Variants in GUCY2F observed in about 807,000 individuals in gnomAD.
GUCY2F encodes the protein retinal guanylyl cyclase 2.
Under a neutral mutation model 73.1 loss-of-function variants are expected in GUCY2F, and 61 were observed. That is an observed-to-expected ratio of 0.83 (90% CI 0.68 to 1.03). The LOEUF is 1.03. Among genes scored for constraint, GUCY2F ranks in the 50% least tolerant of loss-of-function variants. GUCY2F has a pLI of 0.00. For synonymous variants in GUCY2F, 331 were observed against 307.8 expected (o/e 1.08, Z -0.79); for missense variants, 912 against 854.3 (o/e 1.07, Z -0.84).
intron 12 of GUCY2F, among the ~76,000 whole-genome samples, chrX:109,393,623 A>G (rs1038967594): frequency 4.5e-5 from 5 of 111,704 alleles, no homozygotes; most frequent in Non-Finnish European, 9.4e-5. Context: ...GGTGTCCTCT[A>G]GCACCTGTCC....
At chrX:109,453,432 G>T in intron 4 of GUCY2F, 73 bp downstream of exon 4, 1 of 565,702 alleles carries the variant, frequency 1.8e-6, no homozygotes, top group Non-Finnish European at 2.9e-6. Context: ...ATTAAAATGT[G>T]CCTTCTCCTA....
intron 5 of GUCY2F, among the ~76,000 whole-genome samples, chrX:109,449,041 G>A (rs1475033515): frequency 9.0e-6 from 1 of 111,319 alleles, no homozygotes; most frequent in Non-Finnish European, 1.9e-5. Context: ...TTGATTAGTC[G>A]GTATGCTCGT....
At chrX:109,475,174 C>CA (rs1358845816) in intron 2 of GUCY2F, 33 bp downstream of exon 2, 1 of 1,172,313 alleles carries the variant, frequency 8.5e-7, no homozygotes, top group Non-Finnish European at 1.1e-6. Context: ...TCCCTGAAGT[C>CA]ACGTTTAAAT....
chrX:109,391,574 A>G (rs1930563006), intron 14 of GUCY2F, among the ~76,000 whole-genome samples: 1 of 111,890 alleles, frequency 8.9e-6, no homozygotes, highest in African/African-American at 3.2e-5. Flanking sequence ...TGCCTAGTAC[A>G]GTACTGCCTA....
At chrX:109,409,910 T>C (rs1931066846) in intron 8 of GUCY2F, among the ~76,000 whole-genome samples, 1 of 111,317 alleles carries the variant, frequency 9.0e-6, no homozygotes, top group Admixed American at 9.6e-5. Context: ...ATGTCTTTAT[T>C]AGCAGCATGA....
intron 14 of GUCY2F, among the ~76,000 whole-genome samples, chrX:109,390,474 T>G (rs906289189): frequency 4.5e-5 from 5 of 112,055 alleles, no homozygotes; most frequent in African/African-American, 1.3e-4. Flanking sequence ...TGTGCTGTTT[T>G]TAATAAATAG....
At position 109,388,654 on chromosome X, in the gene GUCY2F, T is replaced by C; in HGVS notation, c.2791A>G (p.Ile931Val). 4 of 1,177,926 alleles carry C rather than the reference T, an allele frequency of 3.4e-6. No homozygotes were observed. Among genetic ancestry groups the C allele is most frequent in the Non-Finnish European group, 4.6e-6 (4 of 866,328 alleles). Reference sequence around the variant, plus strand: ...GAAGCCACCATGTAGGCATCTCCAATGGTCTCTACCTGGGAATTAGGAAAA... The same window carrying C: ...GAAGCCACCATGTAGGCATCTCCAACGGTCTCTACCTGGGAATTAGGAAAA... ...GSHDVYKVET[I>V]GDAYMVASGL... The change falls in exon 15 of 20, where the codon ATT becomes GTT. Residue 931 changes from isoleucine (I) to valine (V), a missense_variant. Ile to Val is a conservative substitution (Grantham distance 29). Coordinates refer to ENST00000218006, the MANE Select transcript of GUCY2F (RefSeq NM_001522.3).
chrX:109,450,123 T>C (rs765517115), intron 5 of GUCY2F, among the ~76,000 whole-genome samples: 1 of 110,676 alleles, frequency 9.0e-6, no homozygotes, highest in African/African-American at 3.3e-5. Flanking sequence ...GTCTGGGAAA[T>C]GATGTACCTC....
At chrX:109,450,077 T>C (rs1261215592) in intron 5 of GUCY2F, among the ~76,000 whole-genome samples, 1 of 111,188 alleles carries the variant, frequency 9.0e-6, no homozygotes, top group East Asian at 2.8e-4. Flanking sequence ...GGGTATCTTT[T>C]GTGCTTTGTT....
chrX:109,386,759 T>C (rs768863109), intron 15 of GUCY2F, among the ~76,000 whole-genome samples: 2 of 111,989 alleles, frequency 1.8e-5, no homozygotes, highest in African/African-American at 6.5e-5. Context: ...ACAGATTTAT[T>C]GGCTGTCTGA....
At chrX:109,413,491 G>A (rs914449722) in intron 8 of GUCY2F, among the ~76,000 whole-genome samples, 1 of 107,719 alleles carries the variant, frequency 9.3e-6, no homozygotes, top group Non-Finnish European at 1.9e-5. Context: ...TGCAACCTCC[G>A]CCTCCCAGGT....
At chrX:109,432,287 G>A (rs1309937083) in intron 7 of GUCY2F, among the ~76,000 whole-genome samples, 1 of 111,837 alleles carries the variant, frequency 8.9e-6, no homozygotes, top group Non-Finnish European at 1.9e-5. Flanking sequence ...CTCTTACTAC[G>A]TTTCCTTCAT....
At chrX:109,412,093 T>A (rs1393111616) in intron 8 of GUCY2F, among the ~76,000 whole-genome samples, 1 of 111,840 alleles carries the variant, frequency 8.9e-6, no homozygotes, top group African/African-American at 3.3e-5. Context: ...AATTTATTAA[T>A]TATAGAAACT....
At chrX:109,403,063 G>A (rs1434925562) in intron 10 of GUCY2F, among the ~76,000 whole-genome samples, 1 of 111,818 alleles carries the variant, frequency 8.9e-6, no homozygotes. Flanking sequence ...TTTTTGGGCT[G>A]TTTGCTTTTC....
Position 109,448,125 on chromosome X carries a change from T to C in GUCY2F, c.1513A>G (p.Arg505Gly). 8.9e-7 allele frequency: 1 copy of C among 1,129,688 alleles called. No individual in the cohort carries two copies. The highest frequency in any genetic ancestry group is 2.4e-4 in the Middle Eastern group (1 of 4,180). The allele number at this position is 1,129,688 out of a possible 1,213,427, so 93.1% of individuals were successfully genotyped here. The change falls in exon 6 of 20, where the codon AGA becomes GGA. Residue 505 changes from arginine (R) to glycine (G), a missense_variant. Transcript: ENST00000218006. Reference sequence around the variant, plus strand: ...ACATCCTCCAAAGTCAGTAGAATTCTATTGGGTCCTTTGATCAACTGGATT... The same window carrying C: ...ACATCCTCCAAAGTCAGTAGAATTCCATTGGGTCCTTTGATCAACTGGATT... Reference protein sequence around the residue: ...NKIQLIKGPNRILLTLEDVTF... With the variant: ...NKIQLIKGPNGILLTLEDVTF...
chrX:109,376,410 C>A (rs1262474551), intron 17 of GUCY2F, among the ~76,000 whole-genome samples: 2 of 111,970 alleles, frequency 1.8e-5, no homozygotes, highest in East Asian at 2.8e-4. Context: ...TGACAGCAAC[C>A]AAATGTCTGG....
intron 8 of GUCY2F, among the ~76,000 whole-genome samples, chrX:109,411,024 C>A (rs1332960292): frequency 9.1e-6 from 1 of 110,410 alleles, no homozygotes; most frequent in Non-Finnish European, 1.9e-5. Flanking sequence ...CAATAATTAT[C>A]ATTTATTATT....
chrX:109,473,560 A>T (rs1484228666), intron 2 of GUCY2F, among the ~76,000 whole-genome samples: 1 of 111,272 alleles, frequency 9.0e-6, no homozygotes, highest in Non-Finnish European at 1.9e-5. Context: ...TGTCCAGGTA[A>T]TTCTAGCATG....
chrX:109,455,816 G>A (rs751023746), intron 3 of GUCY2F, among the ~76,000 whole-genome samples: 3 of 111,201 alleles, frequency 2.7e-5, no homozygotes, highest in Non-Finnish European at 5.7e-5. Flanking sequence ...CTAAATTCCA[G>A]ATTGATATAG....
Sources: allele counts gnomAD v4.1 joint callset (sites outside exome capture counted in the v4.1 genomes callset), GRCh38; gene constraint gnomAD v4.1.1; transcripts MANE v1.5; gene names NCBI Gene and HGNC (gene_info 2026-07-23, HGNC 2026-07-21).